The following PUDP variants were observed in gnomAD, a reference collection of about 807,000 sequenced individuals.
PUDP encodes pseudouridine 5'-phosphatase, also known as pseudouridine-5'-phosphatase.
In PUDP, 8 loss-of-function variants were observed where a neutral mutation model predicts 9.4. The observed-to-expected ratio is 0.85, with a 90% CI of 0.50 to 1.53. PUDP has a LOEUF of 1.53. Ranked by LOEUF, PUDP falls within the 40% of genes most tolerant of loss-of-function variation. The pLI, the probability that PUDP is intolerant of heterozygous loss-of-function variation, is 0.00. For synonymous variants in PUDP, 99 were observed against 80.7 expected (o/e 1.23, Z -1.22); for missense variants, 188 against 189.7 (o/e 0.99, Z 0.05).
intron 1 of PUDP, among the ~76,000 whole-genome samples, chrX:7,108,429 C>T (rs1256527140): frequency 1.8e-5 from 2 of 111,740 alleles, no homozygotes; most frequent in Non-Finnish European, 3.8e-5. Context: ...GTGGACTGGG[C>T]TCTTCCTTGG....
intron 3 of PUDP, among the ~76,000 whole-genome samples, chrX:6,746,739 T>C (rs1334724390): frequency 9.0e-6 from 1 of 111,280 alleles, no homozygotes; most frequent in Non-Finnish European, 1.9e-5. Context: ...CCCACAAAGG[T>C]CATGATCTCA....
chrX:7,010,813 G>T (rs749780918), intron 1 of PUDP, among the ~76,000 whole-genome samples: 13 of 111,651 alleles, frequency 1.2e-4, no homozygotes, highest in African/African-American at 3.9e-4. Context: ...TGCCCAGCCC[G>T]GCCTTCCTGG....
intron 3 of PUDP, among the ~76,000 whole-genome samples, chrX:6,728,749 G>T (rs1924773868): frequency 9.0e-6 from 1 of 111,610 alleles, no homozygotes; most frequent in African/African-American, 3.3e-5. Context: ...CACATTTGTT[G>T]CAACGAAGTC....
At chrX:7,083,387 T>A (rs1931164156) in intron 2 of PUDP, among the ~76,000 whole-genome samples, 1 of 111,513 alleles carries the variant, frequency 9.0e-6, no homozygotes, top group Non-Finnish European at 1.9e-5. Context: ...TTAGTATTCA[T>A]GAAGACATAT....
intron 3 of PUDP, among the ~76,000 whole-genome samples, chrX:6,745,149 G>A (rs1391583600): frequency 9.0e-6 from 1 of 111,617 alleles, no homozygotes; most frequent in Non-Finnish European, 1.9e-5. Context: ...GAGTTGAATG[G>A]GGCCATAAGT....
At chrX:7,067,855 G>C (rs1461274564) in intron 3 of PUDP, among the ~76,000 whole-genome samples, 1 of 111,452 alleles carries the variant, frequency 9.0e-6, no homozygotes, top group East Asian at 2.8e-4. Flanking sequence ...AGGGGGGTAG[G>C]TCTTTCTCAT....
At chrX:6,908,379 C>T (rs1927799698) in intron 3 of PUDP, among the ~76,000 whole-genome samples, 1 of 112,056 alleles carries the variant, frequency 8.9e-6, no homozygotes, top group Non-Finnish European at 1.9e-5. Context: ...CTAAGAGCAC[C>T]CTTAAGTTTG....
intron 3 of PUDP, among the ~76,000 whole-genome samples, chrX:6,921,947 A>G (rs1486686172): frequency 9.0e-6 from 1 of 111,704 alleles, no homozygotes; most frequent in Non-Finnish European, 1.9e-5. Flanking sequence ...CACCTACTCC[A>G]TGTTTGAAGT....
upstream of PUDP, among the ~76,000 whole-genome samples, chrX:6,725,479 A>C (rs769390517): frequency 9.0e-6 from 1 of 111,689 alleles, no homozygotes; most frequent in South Asian, 3.8e-4. Context: ...ATAAATGAGA[A>C]TATGTGGGAT....
intron 3 of PUDP, among the ~76,000 whole-genome samples, chrX:6,739,957 T>A (rs111941457): frequency 0.053 from 5,857 of 111,278 alleles, 187 homozygotes; most frequent in African/African-American, 0.089. Context: ...ATTTTGTGAA[T>A]GGTTACAGTA....
At chrX:7,038,413 C>A (rs1427219687) in intron 1 of PUDP, among the ~76,000 whole-genome samples, 1 of 112,045 alleles carries the variant, frequency 8.9e-6, no homozygotes, top group Non-Finnish European at 1.9e-5. Flanking sequence ...TTCAGAGCCC[C>A]CAACAGTGAA....
chrX:7,036,999 C>T (rs943359611), intron 1 of PUDP, among the ~76,000 whole-genome samples: 15 of 111,632 alleles, frequency 1.3e-4, no homozygotes, highest in South Asian at 7.4e-4. Flanking sequence ...ACAATCTTTC[C>T]GGTTCTCATC....
intron 3 of PUDP, among the ~76,000 whole-genome samples, chrX:7,064,253 T>C (rs779860941): frequency 2.2e-4 from 25 of 111,411 alleles, no homozygotes; most frequent in African/African-American, 7.8e-4. Flanking sequence ...AGTACAAAGA[T>C]TAAAACCAGC....
At chrX:7,015,023 G>A (rs1159450054) in intron 1 of PUDP, among the ~76,000 whole-genome samples, 1 of 111,521 alleles carries the variant, frequency 9.0e-6, no homozygotes, top group African/African-American at 3.3e-5. Context: ...AGAATATATC[G>A]AATTCACTCC....
intron 3 of PUDP, among the ~76,000 whole-genome samples, chrX:6,780,866 C>T (rs1925550044): frequency 9.1e-6 from 1 of 110,183 alleles, no homozygotes; most frequent in Non-Finnish European, 1.9e-5. Flanking sequence ...AGACCAGCCT[C>T]GCCAACATGG....
In PUDP at chrX:7,072,536, C is replaced by T. The variant is rs760051684; in HGVS notation, c.510+4684G>A. On this transcript the variant is annotated intron_variant, in intron 3 of 3. Transcript: ENST00000381077. ...AGGCTGTAAAAAATTGATTTCCAGC[C>T]GGAACAGTGGCTCACTCCTGTAATC... Among the ~76,000 whole-genome samples the T allele has an allele frequency of 9.1e-4, 102 of 111,564 alleles. No individual in the cohort carries two copies. The Admixed American group carries it at 9.3e-3, about 10-fold the overall frequency.
chrX:6,722,417 C>G (rs1924684862), upstream of PUDP, among the ~76,000 whole-genome samples: 1 of 107,849 alleles, frequency 9.3e-6, no homozygotes, highest in Non-Finnish European at 1.9e-5. Flanking sequence ...TGAACTCCAG[C>G]CTGGGCCACA....
intron 3 of PUDP, among the ~76,000 whole-genome samples, chrX:7,063,087 A>G (rs1602741268): frequency 9.0e-6 from 1 of 110,879 alleles, no homozygotes; most frequent in African/African-American, 3.3e-5. Context: ...AACTTCATGT[A>G]CAAATGCACA....
chrX:7,084,306 G>A (rs1931200146), intron 2 of PUDP, among the ~76,000 whole-genome samples: 2 of 112,321 alleles, frequency 1.8e-5, no homozygotes, highest in Admixed American at 1.9e-4. Context: ...ACCCCATGCA[G>A]ACATCCAGTG....
Sources: allele counts gnomAD v4.1 joint callset (sites outside exome capture counted in the v4.1 genomes callset), GRCh38; gene constraint gnomAD v4.1.1; transcripts MANE v1.5; gene names NCBI Gene and HGNC (gene_info 2026-07-23, HGNC 2026-07-21).